Variants in STK38L observed in about 807,000 individuals in gnomAD.
The protein encoded by STK38L is serine/threonine-protein kinase 38-like.
In STK38L, 28 loss-of-function variants were observed where a neutral mutation model predicts 59.7. The observed-to-expected ratio is 0.47, with a 90% CI of 0.35 to 0.64. The LOEUF is 0.64. Among genes scored for constraint, STK38L ranks in the 30% least tolerant of loss-of-function variants. The pLI is 0.01. For synonymous variants in STK38L, 162 were observed against 176.8 expected (o/e 0.92, Z 0.66); for missense variants, 314 against 555.8 (o/e 0.56, Z 4.37).
At chr12:27,254,115 G>A (rs1326493929) in intron 1 of STK38L, among the ~76,000 whole-genome samples, 2 of 152,172 alleles carry the variant, frequency 1.3e-5, no homozygotes, top group African/African-American at 2.4e-5. Context: ...TAGAACCACC[G>A]AGGTTGTTGT....
At chr12:27,259,273 T>G (rs1387107940) in intron 1 of STK38L, among the ~76,000 whole-genome samples, 2 of 152,230 alleles carry the variant, frequency 1.3e-5, no homozygotes, top group Non-Finnish European at 2.9e-5. Flanking sequence ...GTCTCCTGTC[T>G]TAACCTCTTT....
At chr12:27,296,269 A>G (rs1944018987) in intron 1 of STK38L, among the ~76,000 whole-genome samples, 2 of 152,246 alleles carry the variant, frequency 1.3e-5, no homozygotes, top group East Asian at 1.9e-4. Flanking sequence ...GCAGTAGGCA[A>G]TGAGGAACCA....
At chr12:27,320,543 C>T (rs889634087) in intron 12 of STK38L, among the ~76,000 whole-genome samples, 9 of 149,204 alleles carry the variant, frequency 6.0e-5, no homozygotes, top group Admixed American at 4.8e-4. Context: ...CCACCTGCCT[C>T]GGCCTCCCAA....
At chr12:27,245,065 T>C (rs1942820025) in intron 1 of STK38L, among the ~76,000 whole-genome samples, 1 of 152,176 alleles carries the variant, frequency 6.6e-6, no homozygotes, top group Non-Finnish European at 1.5e-5. Context: ...AAGAACAAAC[T>C]TTATTTTCAA....
chr12:27,321,788 G>T (rs1275748413), intron 12 of STK38L, among the ~76,000 whole-genome samples: 1 of 152,114 alleles, frequency 6.6e-6, no homozygotes, highest in Non-Finnish European at 1.5e-5. Context: ...AATGTAATTG[G>T]ATTGTAACTC....
chr12:27,273,572 T>G (rs1220583675), intron 1 of STK38L, among the ~76,000 whole-genome samples: 1 of 152,206 alleles, frequency 6.6e-6, no homozygotes, highest in Non-Finnish European at 1.5e-5. Flanking sequence ...AATTAATGTA[T>G]AGTTAATTAT....
At chr12:27,314,066 G>T (rs984782694) in intron 6 of STK38L, among the ~76,000 whole-genome samples, 1 of 152,110 alleles carries the variant, frequency 6.6e-6, no homozygotes. Context: ...TTTGTCCCAA[G>T]ATGTGGTTAG....
chr12:27,289,081 A>C (rs757294009), intron 1 of STK38L, among the ~76,000 whole-genome samples: 10 of 152,118 alleles, frequency 6.6e-5, no homozygotes, highest in Non-Finnish European at 1.2e-4. Flanking sequence ...TAATTTTTTA[A>C]AGTTAACTAT....
At chr12:27,294,802 A>G (rs1943976525) in intron 1 of STK38L, among the ~76,000 whole-genome samples, 1 of 151,354 alleles carries the variant, frequency 6.6e-6, no homozygotes, top group South Asian at 2.1e-4. Flanking sequence ...AACCTTGAAC[A>G]AGGGTTCAAG....
intron 2 of STK38L, among the ~76,000 whole-genome samples, chr12:27,299,457 A>G (rs1944109294): frequency 6.6e-6 from 1 of 152,222 alleles, no homozygotes; most frequent in Non-Finnish European, 1.5e-5. Context: ...AGAAATTCCA[A>G]AAAGTTCCAT....
rs1369712528 is a variant in STK38L at position 27,324,058 on chromosome 12, C to A, written c.*1603C>A. On this transcript the variant is annotated 3_prime_UTR_variant, in exon 14 of 14. Transcript: ENST00000389032. Reference sequence around the variant, plus strand: ...CATAGGAGCATTATGCAAATCTACACAAGCTTTTATAAATGTTGCTGCTGG... The same window carrying A: ...CATAGGAGCATTATGCAAATCTACAAAAGCTTTTATAAATGTTGCTGCTGG... 2.0e-5 allele frequency: 3 copies of A among 152,096 alleles called. No individual in the cohort carries two copies. The highest frequency in any genetic ancestry group is 4.4e-5 in the Non-Finnish European group (3 of 67,958). The allele number at this position is 152,096 out of a possible 1,614,324, so 9.4% of individuals were successfully genotyped here. A position where few individuals can be genotyped will look rare whatever the true frequency, so the allele number is the denominator to read the frequency against.
At chr12:27,310,989 C>A (rs1397397945) in intron 5 of STK38L, among the ~76,000 whole-genome samples, 1 of 152,152 alleles carries the variant, frequency 6.6e-6, no homozygotes, top group Non-Finnish European at 1.5e-5. Context: ...TTAATGCAAA[C>A]CACCCCCACA....
intron 1 of STK38L, among the ~76,000 whole-genome samples, chr12:27,283,986 C>A (rs1183186552): frequency 6.6e-6 from 1 of 152,174 alleles, no homozygotes. Context: ...TAATTGAAAT[C>A]TTAATAGCTT....
At chr12:27,304,258 C>CAAAA (rs34994566) in intron 3 of STK38L, among the ~76,000 whole-genome samples, 31 of 62,786 alleles carry the variant, frequency 4.9e-4, no homozygotes, top group South Asian at 1.1e-3. Flanking sequence ...GAGTCTGTCT[C>CAAAA]AAAAAAAAAA....
intron 6 of STK38L, among the ~76,000 whole-genome samples, chr12:27,313,381 GTTTTA>G (rs2136648826): frequency 6.7e-6 from 1 of 150,114 alleles, no homozygotes; most frequent in South Asian, 2.1e-4. Flanking sequence ...GTTTTGTTTT[GTTTTA>G]ATTTTTATTT....
chr12:27,248,801 C>T (rs1942911909), intron 1 of STK38L, among the ~76,000 whole-genome samples: 1 of 152,132 alleles, frequency 6.6e-6, no homozygotes, highest in Non-Finnish European at 1.5e-5. Context: ...GGATTTAAAG[C>T]ACGTGTGTTT....
At chr12:27,293,412 A>G (rs1943939760) in intron 1 of STK38L, among the ~76,000 whole-genome samples, 1 of 152,244 alleles carries the variant, frequency 6.6e-6, no homozygotes, top group Admixed American at 6.5e-5. Flanking sequence ...TTTAAATTGA[A>G]TAACAGTTCT....
At chr12:27,279,645 T>A (rs887017583) in intron 1 of STK38L, among the ~76,000 whole-genome samples, 31 of 150,988 alleles carry the variant, frequency 2.1e-4, no homozygotes, top group Non-Finnish European at 4.4e-4. Flanking sequence ...GAGAATTACT[T>A]GAACCCAGGA....
At chr12:27,282,734 G>A (rs1943687391) in intron 1 of STK38L, among the ~76,000 whole-genome samples, 1 of 152,146 alleles carries the variant, frequency 6.6e-6, no homozygotes, top group Admixed American at 6.5e-5. Context: ...ATAAGAGAAA[G>A]AGTGCATAGT....
Sources: gnomAD v4.1 joint callset for allele counts (sites outside exome capture counted in the v4.1 genomes callset) on GRCh38, gnomAD v4.1.1 for gene constraint, MANE v1.5 for transcripts, NCBI Gene and HGNC (gene_info 2026-07-23, HGNC 2026-07-21) for gene names.